DCC: variants seen among roughly 807,000 people sequenced by gnomAD.
DCC encodes DCC netrin 1 receptor, also known as netrin receptor DCC.
Under a neutral mutation model 172.5 loss-of-function variants are expected in DCC, and 58 were observed. The observed-to-expected ratio is 0.34, with a 90% CI of 0.27 to 0.42. DCC has a LOEUF of 0.42. Among genes scored for constraint, DCC ranks in the 10% least tolerant of loss-of-function variants. DCC has a pLI of 1.00. For synonymous variants in DCC, 709 were observed against 644.5 expected (o/e 1.10, Z -1.52); for missense variants, 1,740 against 1,791.0 (o/e 0.97, Z 0.51).
At chr18:53,475,418 G>A (rs2045750074) in intron 25 of DCC, among the ~76,000 whole-genome samples, 2 of 152,318 alleles carry the variant, frequency 1.3e-5, no homozygotes, top group African/African-American at 4.8e-5. Context: ...CCATGGACCA[G>A]GCCCAGGGTC....
At chr18:52,915,168 C>T (rs898417434) in intron 3 of DCC, among the ~76,000 whole-genome samples, 1 of 151,962 alleles carries the variant, frequency 6.6e-6, no homozygotes, top group Non-Finnish European at 1.5e-5. Flanking sequence ...GATTCAGTGC[C>T]GTAAATTTCA....
chr18:53,237,679 T>C (rs555836769), intron 12 of DCC, among the ~76,000 whole-genome samples: 7 of 152,294 alleles, frequency 4.6e-5, no homozygotes, highest in African/African-American at 1.2e-4. Flanking sequence ...AAAAAATGCA[T>C]CTAAAAGTAC....
chr18:52,749,210 A>G (rs996948597), intron 1 of DCC, among the ~76,000 whole-genome samples: 4 of 152,330 alleles, frequency 2.6e-5, no homozygotes, highest in African/African-American at 9.6e-5. Context: ...AAGAAAAAAA[A>G]AAGAATTATT....
chr18:53,068,777 G>GTGTGTGTGTGTGTA (rs2042610215), intron 7 of DCC, among the ~76,000 whole-genome samples: 1 of 150,712 alleles, frequency 6.6e-6, no homozygotes, highest in African/African-American at 2.5e-5. Context: ...TAGACTGTGT[G>GTGTGTGTGTGTGTA]TGTGTGTGTG....
chr18:52,522,281 A>G (rs1297435097), intron 1 of DCC, among the ~76,000 whole-genome samples: 1 of 152,112 alleles, frequency 6.6e-6, no homozygotes, highest in Non-Finnish European at 1.5e-5. Context: ...TTTTACAGGC[A>G]TTTTGTCTAG....
chr18:53,128,146 C>A (rs2043593224), intron 7 of DCC, among the ~76,000 whole-genome samples: 1 of 152,086 alleles, frequency 6.6e-6, no homozygotes, highest in African/African-American at 2.4e-5. Context: ...GTCACACAAT[C>A]ATATGTCTTA....
At chr18:52,805,623 C>T (rs2038071328) in intron 2 of DCC, among the ~76,000 whole-genome samples, 1 of 152,178 alleles carries the variant, frequency 6.6e-6, no homozygotes, top group Admixed American at 6.5e-5. Context: ...AAATTGTTTA[C>T]ATTACCTTGA....
intron 1 of DCC, among the ~76,000 whole-genome samples, chr18:52,537,472 G>T (rs558758778): frequency 6.6e-6 from 1 of 152,268 alleles, no homozygotes; most frequent in East Asian, 1.9e-4. Flanking sequence ...TGTTGAGGCT[G>T]CTGCCTGGAG....
intron 1 of DCC, among the ~76,000 whole-genome samples, chr18:52,574,692 G>T (rs2033370910): frequency 6.6e-6 from 1 of 152,120 alleles, no homozygotes. Flanking sequence ...TGAAAGTAAA[G>T]AATAAATTCC....
rs1370406537 is a variant in DCC, at chr18:52,673,399, G to A, written c.92-78655G>A. Among the ~76,000 whole-genome samples, 5 of 152,232 alleles carry A rather than the reference G, an allele frequency of 3.3e-5. No individual in the cohort carries two copies. In the East Asian group the frequency reaches 5.8e-4, roughly 18 times the overall value. Reference sequence around the variant, plus strand: ...TGAGGAATACTGGTCAGGGACTTTGGAGAATGTCCCATAATTTAAGATTGT... The same window carrying A: ...TGAGGAATACTGGTCAGGGACTTTGAAGAATGTCCCATAATTTAAGATTGT... On this transcript the variant is annotated intron_variant, in intron 1 of 28. Transcript: ENST00000442544.
chr18:52,894,914 C>G (rs897940083), intron 2 of DCC, among the ~76,000 whole-genome samples: 1 of 152,144 alleles, frequency 6.6e-6, no homozygotes, highest in African/African-American at 2.4e-5. Context: ...ATAGACACAT[C>G]CAAAATAATG....
chr18:53,366,937 A>G (rs1221666806), intron 15 of DCC, among the ~76,000 whole-genome samples: 1 of 152,174 alleles, frequency 6.6e-6, no homozygotes, highest in African/African-American at 2.4e-5. Context: ...AGGGGATAAC[A>G]GTGTCACATG....
At chr18:52,592,403 G>T (rs2033819921) in intron 1 of DCC, among the ~76,000 whole-genome samples, 2 of 152,268 alleles carry the variant, frequency 1.3e-5, no homozygotes, top group South Asian at 2.1e-4. Flanking sequence ...ACAGAAATAT[G>T]TATCACCCAG....
chr18:52,854,408 C>G (rs1258302318), intron 2 of DCC, among the ~76,000 whole-genome samples: 1 of 152,114 alleles, frequency 6.6e-6, no homozygotes, highest in Non-Finnish European at 1.5e-5. Context: ...ATTAATATTT[C>G]TCAGGTTTAT....
At chr18:53,394,210 C>T (rs1908766296) in intron 17 of DCC, among the ~76,000 whole-genome samples, 1 of 152,154 alleles carries the variant, frequency 6.6e-6, no homozygotes, top group Admixed American at 6.5e-5. Context: ...ACTTAACCTG[C>T]TCAGTCTCAT....
At chr18:52,857,130 AT>A (rs2039068389) in intron 2 of DCC, among the ~76,000 whole-genome samples, 1 of 152,238 alleles carries the variant, frequency 6.6e-6, no homozygotes, top group Admixed American at 6.5e-5. Context: ...TGGTAAAAAA[AT>A]AATATCATGT....
intron 7 of DCC, among the ~76,000 whole-genome samples, chr18:53,126,863 G>C (rs183033398): frequency 6.6e-6 from 1 of 152,202 alleles, no homozygotes; most frequent in African/African-American, 2.4e-5. Context: ...ACTCACAAAT[G>C]AGAGCTTAAA....
At chr18:53,305,288 G>A (rs2057187231) in intron 12 of DCC, among the ~76,000 whole-genome samples, 1 of 152,112 alleles carries the variant, frequency 6.6e-6, no homozygotes, top group African/African-American at 2.4e-5. Flanking sequence ...ATTCTCTATT[G>A]TTTTGTGGCT....
At chr18:53,496,734 G>C (rs1348073502) in intron 26 of DCC, among the ~76,000 whole-genome samples, 1 of 152,196 alleles carries the variant, frequency 6.6e-6, no homozygotes, top group Non-Finnish European at 1.5e-5. Context: ...AGAACCTTGA[G>C]AAAAGGTTAG....
Sources: allele counts gnomAD v4.1 joint callset (sites outside exome capture counted in the v4.1 genomes callset), GRCh38; gene constraint gnomAD v4.1.1; transcripts MANE v1.5; gene names NCBI Gene and HGNC (gene_info 2026-07-23, HGNC 2026-07-21).